The following LRP1B variants were observed in gnomAD, a reference collection of about 807,000 sequenced individuals.
LRP1B encodes the protein LDL receptor related protein 1B, also known as low-density lipoprotein receptor-related protein 1B.
A neutral mutation model predicts 556.6 loss-of-function variants in LRP1B; 217 were observed. That is an observed-to-expected ratio of 0.39 (90% confidence interval 0.35 to 0.44). The LOEUF is 0.44. Ranked by LOEUF, LRP1B falls within the 20% of genes least tolerant of loss-of-function variation. LRP1B has a pLI of 1.00. For missense variants in LRP1B, 5,053 were observed against 5,620.8 expected, an observed-to-expected ratio of 0.90 and a Z score of 3.23; for synonymous variants, 2,047 against 1,865.8, an observed-to-expected ratio of 1.10 and a Z score of -2.50.
chr2:142,112,574 A>G (rs1401579526), intron 1 of LRP1B, among the ~76,000 whole-genome samples: 2 of 152,086 alleles, frequency 1.3e-5, no homozygotes, highest in African/African-American at 2.4e-5. Context: ...TGTTCCATCT[A>G]TTGCATGGCA....
chr2:141,614,080 CAAAAAAA>C lies in LRP1B; in HGVS notation c.206-133554_206-133548del, dbSNP rs550183140. 4.6e-4 allele frequency among the ~76,000 whole-genome samples: 22 copies of C among 47,358 alleles called. No homozygotes were observed. The East Asian group carries it at 0.013, about 29-fold the overall frequency. The allele number at this position is 47,358 out of a possible 152,430, so 31.1% of individuals were successfully genotyped here. ...GGGCGATAAGAGCAAAACTCAGCCT[CAAAAAAA>C]AAAAAAAAAAAAAAGAAAGAAAATG... On this transcript the variant is annotated intron_variant, in intron 2 of 90. Transcript: ENST00000389484.
chr2:140,527,006 A>G (rs1690467082), intron 47 of LRP1B, among the ~76,000 whole-genome samples: 1 of 151,938 alleles, frequency 6.6e-6, no homozygotes, highest in Non-Finnish European at 1.5e-5. Flanking sequence ...AATATTTAAT[A>G]TAATAAATAG....
At position 141,386,926 on chromosome 2, in the gene LRP1B, A is replaced by G. The variant is rs185344643; in HGVS notation, c.343+93470T>C. On this transcript the variant is annotated intron_variant, in intron 3 of 90. Transcript: ENST00000389484. Reference sequence around the variant, plus strand: ...CATTCTTTTCAAGTGCACAAGGAACATTCTCCAGTATAGATAGTATGTAAT... The same window carrying G: ...CATTCTTTTCAAGTGCACAAGGAACGTTCTCCAGTATAGATAGTATGTAAT... Among the ~76,000 whole-genome samples the G allele has an allele frequency of 4.7e-4, 72 of 152,186 alleles. 2 individuals are homozygous for G. The East Asian group carries it at 8.9e-3, about 19-fold the overall frequency.
chr2:141,169,478 T>G (rs1296890734), intron 7 of LRP1B, among the ~76,000 whole-genome samples: 1 of 151,964 alleles, frequency 6.6e-6, no homozygotes, highest in Non-Finnish European at 1.5e-5. Flanking sequence ...CAGAATGTTT[T>G]CCATGACAGG....
At chr2:141,661,314 T>C (rs1690214348) in intron 2 of LRP1B, among the ~76,000 whole-genome samples, 1 of 152,172 alleles carries the variant, frequency 6.6e-6, no homozygotes, top group African/African-American at 2.4e-5. Context: ...GGCACCGGAT[T>C]GGGCTGAGGC....
chr2:141,111,077 C>T (rs1320216875), intron 7 of LRP1B, among the ~76,000 whole-genome samples: 1 of 152,094 alleles, frequency 6.6e-6, no homozygotes, highest in African/African-American at 2.4e-5. Flanking sequence ...TAAATCAGTC[C>T]TTGTGATCGT....
At chr2:140,356,577 A>G (rs1027946447) in intron 74 of LRP1B, 101 bp from the exon 75 acceptor site, 7 of 771,188 alleles carry the variant, frequency 9.1e-6, no homozygotes, top group Non-Finnish European at 1.5e-5. Context: ...TATTCCACAG[A>G]TAACTCTTTT....
At chr2:140,597,742 G>C (rs888915050) in intron 43 of LRP1B, among the ~76,000 whole-genome samples, 12 of 152,094 alleles carry the variant, frequency 7.9e-5, no homozygotes, top group Non-Finnish European at 1.5e-4. Context: ...ATACTGTCAG[G>C]TCTATTCATT....
rs757350392 is a variant in LRP1B, at chr2:141,075,175, GATAGGGAGAT to G, written c.1014-12912_1014-12903del. 3.1e-4 allele frequency among the ~76,000 whole-genome samples: 47 copies of G among 152,098 alleles called. 1 individual carries two copies. The highest frequency in any genetic ancestry group is 5.9e-4 in the Admixed American group (9 of 15,234). ...GATGGATTAAAAGTGTTGGGTGACG[GATAGGGAGAT>G]ACCAGTTTGGTAGTTATGCACTAAT... On this transcript the variant is annotated intron_variant, in intron 7 of 90. Transcript: ENST00000389484.
At chr2:141,435,736 C>A (rs11888632) in intron 3 of LRP1B, among the ~76,000 whole-genome samples, 33,258 of 152,124 alleles carry the variant, frequency 0.22, 4,513 homozygotes, top group East Asian at 0.54. Flanking sequence ...ACAGGCTGAA[C>A]CAGGGAGATC....
chr2:141,548,624 T>A (rs562258848), intron 2 of LRP1B, among the ~76,000 whole-genome samples: 2 of 151,982 alleles, frequency 1.3e-5, no homozygotes, highest in Non-Finnish European at 2.9e-5. Flanking sequence ...TTGGGTAGGA[T>A]TTTTTTTGGT....
chr2:141,971,367 T>C (rs1701728210), intron 1 of LRP1B, among the ~76,000 whole-genome samples: 1 of 151,420 alleles, frequency 6.6e-6, no homozygotes, highest in African/African-American at 2.4e-5. Context: ...CCCTCCTCAA[T>C]AAAAGACATC....
chr2:141,690,401 ATATATATATATATATATATATATAT>A (rs1691476202), intron 2 of LRP1B, among the ~76,000 whole-genome samples: 1 of 107,556 alleles, frequency 9.3e-6, no homozygotes, highest in South Asian at 3.2e-4. Flanking sequence ...CTATAAATAT[ATATATATATATATATATATATATAT>A]ATATATATAT....
In LRP1B at chr2:140,650,367, G is replaced by C. The variant is rs184876854; in HGVS notation, c.6800-48728C>G. On this transcript the variant is annotated intron_variant, in intron 41 of 90. Coordinates refer to ENST00000389484, the MANE Select transcript of LRP1B (RefSeq NM_018557.3). Reference sequence around the variant, plus strand: ...TTTATTTATTTATTTATTTATTTTTGAGAAGGAGTCTCACTCTGTTGCCTA... The same window carrying C: ...TTTATTTATTTATTTATTTATTTTTCAGAAGGAGTCTCACTCTGTTGCCTA... Among the ~76,000 whole-genome samples, 425 of 147,268 alleles carry C rather than the reference G, an allele frequency of 2.9e-3. 2 individuals are homozygous for C. Among genetic ancestry groups the C allele is most frequent in the African/African-American group, 0.01 (414 of 39,798 alleles).
chr2:140,517,505 A>G (rs181497759), intron 49 of LRP1B, among the ~76,000 whole-genome samples: 1 of 152,068 alleles, frequency 6.6e-6, no homozygotes, highest in African/African-American at 2.4e-5. Context: ...ATTCCTTAAC[A>G]GGATTTAAAC....
intron 3 of LRP1B, among the ~76,000 whole-genome samples, chr2:141,405,516 G>T (rs1437591290): frequency 6.6e-6 from 1 of 152,058 alleles, no homozygotes. Context: ...AGTCAAATTA[G>T]ACACACACTA....
At chr2:140,434,490 G>A (rs1048281702) in intron 66 of LRP1B, among the ~76,000 whole-genome samples, 3 of 152,090 alleles carry the variant, frequency 2.0e-5, no homozygotes, top group Non-Finnish European at 4.4e-5. Flanking sequence ...AATTAGAGAG[G>A]TAATATTTCA....
intron 2 of LRP1B, among the ~76,000 whole-genome samples, chr2:141,753,928 T>C (rs1335292372): frequency 6.6e-6 from 1 of 152,026 alleles, no homozygotes; most frequent in Non-Finnish European, 1.5e-5. Flanking sequence ...TACCCAGGAG[T>C]GTACATGCAC....
In LRP1B at chr2:142,101,769, A is replaced by T. The variant is rs557967730; in HGVS notation, c.82+28879T>A. Reference sequence around the variant, plus strand: ...AGATCTTAACTTTATATGGTTTCTGATTATTTTTAAAAATTAGGGTTATAT... The same window carrying T: ...AGATCTTAACTTTATATGGTTTCTGTTTATTTTTAAAAATTAGGGTTATAT... On this transcript the variant is annotated intron_variant, in intron 1 of 90. Transcript: ENST00000389484. Among the ~76,000 whole-genome samples the T allele has an allele frequency of 7.9e-5, 12 of 152,100 alleles. No individual in the cohort carries two copies. In the South Asian group the frequency reaches 1.0e-3, roughly 13 times the overall value.
Sources: allele counts gnomAD v4.1 joint callset (sites outside exome capture counted in the v4.1 genomes callset), GRCh38; gene constraint gnomAD v4.1.1; transcripts MANE v1.5; gene names NCBI Gene and HGNC (gene_info 2026-07-23, HGNC 2026-07-21).